The following ABCB9 variants were observed in gnomAD, a reference collection of about 807,000 sequenced individuals.
ABCB9 encodes the protein ATP binding cassette subfamily B member 9.
In ABCB9, 36 loss-of-function variants were observed where a neutral mutation model predicts 62.0. That is an observed-to-expected ratio of 0.58 (90% CI 0.45 to 0.77). ABCB9 has a LOEUF of 0.77. ABCB9 is among the 30% of genes least tolerant of loss of function. The probability of loss-of-function intolerance (pLI) is 0.00; values close to 1 mark genes in which losing one functional copy is unlikely to be tolerated. For missense variants in ABCB9, 943 were observed against 1,054.7 expected (o/e 0.89, Z 1.47); for synonymous variants, 435 against 461.4 (o/e 0.94, Z 0.73).
intron 2 of ABCB9, chr12:122,951,329 A>C (rs542524573): frequency 6.8e-6 from 1 of 146,198 alleles, no homozygotes; most frequent in East Asian, 2.0e-4. Flanking sequence ...GGCTCAGTGG[A>C]TCTTCCCACC....
At chr12:122,926,310 C>T (rs983679339), downstream of ABCB9, among the ~76,000 whole-genome samples, 3 of 152,132 alleles carry the variant, frequency 2.0e-5, no homozygotes, top group Non-Finnish European at 4.4e-5. Context: ...TTTGGGAGGC[C>T]GAGGCAGGTG....
chr12:122,963,503 C>T (rs1202045661), intron 1 of ABCB9, among the ~76,000 whole-genome samples: 1 of 152,166 alleles, frequency 6.6e-6, no homozygotes, highest in Non-Finnish European at 1.5e-5. Context: ...GTTAGGAAAA[C>T]TGAGGAACAG....
chr12:122,975,094 C>G, exon 1 of ABCB9: 1 of 498,112 alleles, frequency 2.0e-6, no homozygotes, highest in Non-Finnish European at 3.6e-6. Flanking sequence ...CCAGGAGCAT[C>G]TTTCTCCGCA....
intron 1 of ABCB9, among the ~76,000 whole-genome samples, chr12:122,966,055 T>A (rs1363268417): frequency 6.6e-6 from 1 of 151,464 alleles, no homozygotes; most frequent in Non-Finnish European, 1.5e-5. Flanking sequence ...GCCTTGGGGG[T>A]TAAAAAAAAT....
In ABCB9 at chr12:122,956,463, T is replaced by C. The variant is rs147820530; in HGVS notation, c.601+3172A>G. Among the ~76,000 whole-genome samples, 5 of 152,342 alleles carry C rather than the reference T, an allele frequency of 3.3e-5. No individual in the cohort carries two copies. In the East Asian group the frequency reaches 9.6e-4, roughly 29 times the overall value. On this transcript the variant is annotated intron_variant, in intron 2 of 11. Transcript: ENST00000280560. The stretch of plus-strand genomic sequence containing the variant: ...CTCTCAGAACATTCTGGCATTGTTA[T>C]TGCATTGTCACCTCTCTAGGCTCTG...
chr12:122,954,980 T>G (rs1275981758), intron 2 of ABCB9, among the ~76,000 whole-genome samples: 1 of 152,198 alleles, frequency 6.6e-6, no homozygotes, highest in African/African-American at 2.4e-5. Flanking sequence ...TTGTCTTTTT[T>G]GAGATGGGGT....
At chr12:122,946,997 T>G (rs1022306875) in intron 5 of ABCB9, among the ~76,000 whole-genome samples, 1 of 152,196 alleles carries the variant, frequency 6.6e-6, no homozygotes. Flanking sequence ...GCAGGAAGCA[T>G]GCAGGGTGCC....
At chr12:122,921,731 C>T (rs574901789) in intron 11 of ABCB9, among the ~76,000 whole-genome samples, 2 of 152,062 alleles carry the variant, frequency 1.3e-5, no homozygotes, top group African/African-American at 2.4e-5. Flanking sequence ...GAGCGGAGAT[C>T]GCGCCACTGC....
chr12:122,964,877 T>A lies in ABCB9; in HGVS notation c.-88+1410A>T, dbSNP rs1380756718. ...GGCCTTGTCCCCACCAGGGGTCTTG[T>A]CAAAGGCTTTTCTTCCCAGGGTAGG... On this transcript the variant is annotated intron_variant, in intron 1 of 11. Coordinates refer to ENST00000280560, the MANE Select transcript of ABCB9 (RefSeq NM_019625.4). The surrounding 1 kb of genome is among the most constrained non-coding windows in gnomAD (Gnocchi z 4.7). Among the ~76,000 whole-genome samples the A allele has an allele frequency of 3.3e-5, 5 of 152,238 alleles. No individual in the cohort carries two copies. The highest frequency in any genetic ancestry group is 1.2e-4 in the African/African-American group (5 of 41,462).
chr12:122,930,005 T>G lies in ABCB9; in HGVS notation c.2207A>C (p.Lys736Thr). 2.5e-6 allele frequency: 4 copies of G among 1,576,448 alleles called. No homozygotes were observed. Among genetic ancestry groups the G allele is most frequent in the African/African-American group, 1.3e-5 (1 of 74,620 alleles). The change falls in exon 12 of 12, where the codon AAG becomes ACG. Residue 736 changes from lysine (K) to threonine (T), a missense_variant. Transcript: ENST00000280560. This position sits in a 1 kb window ranked among gnomAD's most constrained non-coding sequence, Gnocchi z 4.9. ...QLLAQGGLYA[K>T]LVQRQMLGLQ... ...CCCCAGCATCTGCCGCTGCACCAGCTTGGCGTAGAGGCCGCCCTGGGCCAG... is the reference window on the plus strand; with the variant it reads ...CCCCAGCATCTGCCGCTGCACCAGCGTGGCGTAGAGGCCGCCCTGGGCCAG...
In ABCB9 at chr12:122,944,357, T is replaced by C; in HGVS notation, c.1380+34A>G. Reference sequence around the variant, plus strand: ...ATCCCTCTTCCCCAAACTCCTCCCTTCTCTCTGGATCCCCGGACACACTGG... The same window carrying C: ...ATCCCTCTTCCCCAAACTCCTCCCTCCTCTCTGGATCCCCGGACACACTGG... On this transcript the variant is annotated intron_variant, in intron 7 of 11. Transcript: ENST00000280560. This position sits in a 1 kb window ranked among gnomAD's most constrained non-coding sequence, Gnocchi z 4.9. 6.5e-7 allele frequency: 1 copy of C among 1,540,306 alleles called. No homozygotes were observed. The highest frequency in any genetic ancestry group is 8.9e-7 in the Non-Finnish European group (1 of 1,129,212).
At chr12:122,926,061 T>C (rs531082344), downstream of ABCB9, among the ~76,000 whole-genome samples, 5 of 152,276 alleles carry the variant, frequency 3.3e-5, no homozygotes, top group Non-Finnish European at 7.4e-5. Flanking sequence ...GATTTTAGAA[T>C]GCTGGCGGCC....
chr12:122,950,064 C>G, intron 3 of ABCB9, 146 bp from the exon 4 acceptor site: 1 of 1,099,230 alleles, frequency 9.1e-7, no homozygotes, highest in South Asian at 1.4e-5. Flanking sequence ...CCCCTCATTC[C>G]CAGTGGGAGC....
At chr12:122,962,803 T>C (rs958680899) in intron 1 of ABCB9, among the ~76,000 whole-genome samples, 4 of 152,140 alleles carry the variant, frequency 2.6e-5, no homozygotes, top group Non-Finnish European at 5.9e-5. Flanking sequence ...ACCTATTTAA[T>C]CCTCACAGCA....
intron 11 of ABCB9, among the ~76,000 whole-genome samples, chr12:122,923,184 C>T (rs1046069623): frequency 2.7e-5 from 4 of 150,744 alleles, no homozygotes; most frequent in Non-Finnish European, 5.9e-5. Context: ...CTCACTGCTG[C>T]CTCAACCTCC....
At chr12:122,960,422 T>G in intron 1 of ABCB9, 100 bp from the exon 2 acceptor site, 1 of 765,012 alleles carries the variant, frequency 1.3e-6, no homozygotes. Flanking sequence ...GAGCCTTAGT[T>G]TTCTCATCTG....
chr12:122,969,956 GT>G (rs1291876691), upstream of ABCB9, among the ~76,000 whole-genome samples: 1 of 152,044 alleles, frequency 6.6e-6, no homozygotes, highest in East Asian at 1.9e-4. Context: ...AGTTCGGCAG[GT>G]TTTTTTATAA....
At chr12:122,952,481 A>G (rs2036413032) in intron 2 of ABCB9, 1 of 152,238 alleles carries the variant, frequency 6.6e-6, no homozygotes, top group Non-Finnish European at 1.5e-5. Context: ...CTTTCTGTGC[A>G]GTTCTGGTGC....
chr12:122,942,277 C>T (rs1408840603), intron 7 of ABCB9, among the ~76,000 whole-genome samples: 3 of 151,748 alleles, frequency 2.0e-5, no homozygotes, highest in African/African-American at 7.3e-5. Flanking sequence ...CAGCAACAGC[C>T]GGTAGTAAAC....
Sources: gnomAD v4.1 joint callset for allele counts (sites outside exome capture counted in the v4.1 genomes callset) on GRCh38, gnomAD v4.1.1 for gene constraint, Gnocchi (gnomAD v3.1) non-coding constraint, MANE v1.5 for transcripts, NCBI Gene and HGNC (gene_info 2026-07-23, HGNC 2026-07-21) for gene names.